SYT1: variants seen among roughly 807,000 people sequenced by gnomAD.
SYT1 encodes synaptotagmin-1.
Under a neutral mutation model 44.8 loss-of-function variants are expected in SYT1, and 8 were observed. That is an observed-to-expected ratio of 0.18 (90% CI 0.10 to 0.32). SYT1 has a LOEUF of 0.32. Ranked by LOEUF, SYT1 falls within the 10% of genes least tolerant of loss-of-function variation. The probability of loss-of-function intolerance (pLI) is 1.00; values close to 1 mark genes in which losing one functional copy is unlikely to be tolerated. For missense variants in SYT1, 286 were observed against 509.3 expected (o/e 0.56, Z 4.22); for synonymous variants, 154 against 188.8 (o/e 0.82, Z 1.51).
At chr12:79,097,729 G>A (rs1446823393) in intron 3 of SYT1, among the ~76,000 whole-genome samples, 1 of 151,920 alleles carries the variant, frequency 6.6e-6, no homozygotes, top group Non-Finnish European at 1.5e-5. Context: ...CTCCTCCAAG[G>A]AATAGTAGTA....
At chr12:79,137,350 C>A (rs1869264846) in intron 3 of SYT1, among the ~76,000 whole-genome samples, 1 of 152,166 alleles carries the variant, frequency 6.6e-6, no homozygotes, top group Admixed American at 6.5e-5. Context: ...TCCACCCCAA[C>A]CTCCCAAAGT....
intron 8 of SYT1, among the ~76,000 whole-genome samples, chr12:79,347,580 T>C (rs947960864): frequency 2.0e-5 from 3 of 152,186 alleles, no homozygotes; most frequent in African/African-American, 7.2e-5. Context: ...GTTGAAAATC[T>C]GCCTGAGTCT....
At chr12:78,910,627 C>T (rs1390135016) in intron 1 of SYT1, among the ~76,000 whole-genome samples, 2 of 151,902 alleles carry the variant, frequency 1.3e-5, no homozygotes, top group Non-Finnish European at 2.9e-5. Context: ...ACAAGCAAAG[C>T]CCTTGCCTTC....
At chr12:78,976,580 T>C (rs1868853804) in intron 1 of SYT1, 1 of 152,240 alleles carries the variant, frequency 6.6e-6, no homozygotes, top group South Asian at 2.1e-4. Flanking sequence ...TATGGTATTA[T>C]GTATTCATTT....
At chr12:78,928,741 G>T (rs1337968122) in intron 1 of SYT1, among the ~76,000 whole-genome samples, 2 of 152,146 alleles carry the variant, frequency 1.3e-5, no homozygotes, top group Admixed American at 1.3e-4. Flanking sequence ...TGGGCCTGTA[G>T]GAGCAGGATG....
At chr12:79,132,427 C>T (rs1199587352) in intron 3 of SYT1, among the ~76,000 whole-genome samples, 6 of 146,126 alleles carry the variant, frequency 4.1e-5, no homozygotes, top group East Asian at 4.0e-4. Flanking sequence ...CCAGCCTGAG[C>T]GACAGAGCAA....
At chr12:79,383,420 C>T (rs565844572) in intron 9 of SYT1, among the ~76,000 whole-genome samples, 252 of 152,120 alleles carry the variant, frequency 1.7e-3, no homozygotes, top group Admixed American at 2.6e-3. Flanking sequence ...TTTCCACTTC[C>T]TCCCTAACTA....
chr12:79,420,824 T>C lies in SYT1; in HGVS notation c.929-23249T>C, dbSNP rs369450716. Among the ~76,000 whole-genome samples the C allele has an allele frequency of 3.9e-5, 6 of 152,212 alleles. No homozygotes were observed. In the South Asian group the frequency reaches 6.2e-4, roughly 16 times the overall value. ...CAAAGTGGTAGTAGCATTGTTTTTC[T>C]TCTAGAATAAAAGATATTTACTCCT... is the stretch of plus-strand genomic sequence containing the variant. On this transcript the variant is annotated intron_variant, in intron 9 of 10. Transcript: ENST00000261205.
At chr12:79,040,288 T>C (rs1445619505) in intron 2 of SYT1, among the ~76,000 whole-genome samples, 5 of 151,692 alleles carry the variant, frequency 3.3e-5, no homozygotes, top group Non-Finnish European at 7.4e-5. Context: ...GCACCTGTTG[T>C]TTCCTGACTT....
intron 1 of SYT1, among the ~76,000 whole-genome samples, chr12:78,924,028 GA>G (rs1328238685): frequency 1.3e-5 from 2 of 151,724 alleles, no homozygotes; most frequent in Non-Finnish European, 2.9e-5. Flanking sequence ...TCATGACATA[GA>G]CATTTTCTAA....
intron 1 of SYT1, among the ~76,000 whole-genome samples, chr12:78,956,204 G>A (rs1879209417): frequency 6.6e-6 from 1 of 152,028 alleles, no homozygotes; most frequent in South Asian, 2.1e-4. Context: ...GGGGCAGAAT[G>A]TGCATTTAAT....
intron 3 of SYT1, among the ~76,000 whole-genome samples, chr12:79,211,598 A>T (rs1409378401): frequency 3.4e-5 from 2 of 58,106 alleles, no homozygotes; most frequent in African/African-American, 7.0e-5. Flanking sequence ...CCCTCCCCCC[A>T]CCCCACAACA....
At chr12:79,377,861 C>A (rs1390322326) in intron 9 of SYT1, among the ~76,000 whole-genome samples, 1 of 152,116 alleles carries the variant, frequency 6.6e-6, no homozygotes, top group Non-Finnish European at 1.5e-5. Flanking sequence ...AAGCCTATGA[C>A]ACCAATTAAG....
At chr12:78,927,593 G>A (rs541277117) in intron 1 of SYT1, among the ~76,000 whole-genome samples, 24 of 152,050 alleles carry the variant, frequency 1.6e-4, no homozygotes, top group African/African-American at 4.1e-4. Context: ...CACCCGCCCC[G>A]CTTGTTGGTC....
Position 79,261,347 on chromosome 12 carries a change from C to T in SYT1, c.167-24440C>T, listed in dbSNP as rs567659174. On this transcript the variant is annotated intron_variant, in intron 4 of 10. Transcript: ENST00000261205. ...TCTACCTTCCTTCCTCCAATATTTT[C>T]AATCTCTCTGCCACACTATGTTTAT... Among the ~76,000 whole-genome samples, 7 of 152,302 alleles carry T rather than the reference C, an allele frequency of 4.6e-5. No homozygotes were observed. In the South Asian group the frequency reaches 1.2e-3, roughly 27 times the overall value.
At chr12:79,309,092 A>G (rs2138924476) in intron 8 of SYT1, among the ~76,000 whole-genome samples, 1 of 152,320 alleles carries the variant, frequency 6.6e-6, no homozygotes, top group South Asian at 2.1e-4. Flanking sequence ...GGATCTCCAC[A>G]AACTGGAGGG....
At chr12:79,140,187 T>A (rs752821376) in intron 3 of SYT1, among the ~76,000 whole-genome samples, 1 of 152,092 alleles carries the variant, frequency 6.6e-6, no homozygotes, top group Non-Finnish European at 1.5e-5. Flanking sequence ...AGGCATATAA[T>A]AACCATATAA....
chr12:79,185,431 C>G lies in SYT1; in HGVS notation c.-17-32072C>G, dbSNP rs1056374355. Among the ~76,000 whole-genome samples the G allele has an allele frequency of 2.0e-5, 3 of 151,892 alleles. No homozygotes were observed. The Admixed American group carries it at 2.0e-4, about 10-fold the overall frequency. ...TGTGAGATTTTACAGAACAACTATT[C>G]CACCTTTCCAATATCCCTTCTGTGT... On this transcript the variant is annotated intron_variant, in intron 3 of 10. Coordinates refer to ENST00000261205, the MANE Select transcript of SYT1 (RefSeq NM_005639.3).
intron 8 of SYT1, among the ~76,000 whole-genome samples, chr12:79,343,837 C>T (rs926014878): frequency 6.6e-6 from 1 of 152,032 alleles, no homozygotes; most frequent in Non-Finnish European, 1.5e-5. Flanking sequence ...TTCTCATACT[C>T]CAATGGATTA....
Sources: allele counts gnomAD v4.1 joint callset (sites outside exome capture counted in the v4.1 genomes callset), GRCh38; gene constraint gnomAD v4.1.1; transcripts MANE v1.5; gene names NCBI Gene and HGNC (gene_info 2026-07-23, HGNC 2026-07-21).